Variants in LINGO2 observed in about 807,000 individuals in gnomAD.
The protein encoded by LINGO2 is leucine rich repeat and Ig domain containing 2.
A neutral mutation model predicts 30.6 loss-of-function variants in LINGO2; 14 were observed. The ratio of observed to expected loss-of-function variants is 0.46; its 90% CI spans 0.30 to 0.72. The LOEUF (loss-of-function observed/expected upper bound fraction) is 0.72. Among genes scored for constraint, LINGO2 ranks in the 30% least tolerant of loss-of-function variants. LINGO2 has a pLI of 0.07. For synonymous variants in LINGO2, 317 were observed against 288.5 expected, an observed-to-expected ratio of 1.10 and a Z score of -1.00; for missense variants, 729 against 751.7, an observed-to-expected ratio of 0.97 and a Z score of 0.35.
chr9:28,851,253 A>C, the LINGO2 span, among the ~76,000 whole-genome samples: 1 of 152,178 alleles, frequency 6.6e-6, no homozygotes, highest in East Asian at 1.9e-4. Flanking sequence ...AAGCTCTAGA[A>C]AGAAGATGAC....
At chr9:28,689,998 A>C in the LINGO2 span, among the ~76,000 whole-genome samples, 1 of 152,130 alleles carries the variant, frequency 6.6e-6, no homozygotes, top group Admixed American at 6.6e-5. Flanking sequence ...GCATGTTCTC[A>C]CTTATAAGTG....
chr9:28,942,387 T>C, the LINGO2 span, among the ~76,000 whole-genome samples: 3 of 152,104 alleles, frequency 2.0e-5, no homozygotes, highest in Non-Finnish European at 4.4e-5. Flanking sequence ...GGGTGCCAGG[T>C]GGGTGTACCA....
chr9:28,053,642 C>T (rs1219276779), intron 4 of LINGO2, among the ~76,000 whole-genome samples: 2 of 151,936 alleles, frequency 1.3e-5, no homozygotes, highest in African/African-American at 4.8e-5. Context: ...GCGCTGGTTG[C>T]AAATCAAGAT....
chr9:28,465,298 G>T (rs1053671957), intron 2 of LINGO2, among the ~76,000 whole-genome samples: 1 of 152,144 alleles, frequency 6.6e-6, no homozygotes, highest in Admixed American at 6.5e-5. Context: ...TGGAAAGCTG[G>T]CAAGGGGATA....
the LINGO2 span, among the ~76,000 whole-genome samples, chr9:29,038,793 C>A: frequency 1.1e-4 from 16 of 150,842 alleles, no homozygotes; most frequent in Admixed American, 6.6e-5. Flanking sequence ...AAAGTATAAA[C>A]AGAAAGTAGA....
At chr9:28,184,654 A>T (rs1819479173) in intron 4 of LINGO2, among the ~76,000 whole-genome samples, 1 of 152,134 alleles carries the variant, frequency 6.6e-6, no homozygotes, top group Non-Finnish European at 1.5e-5. Flanking sequence ...TCTGAGTCTG[A>T]TAGACTGAGA....
intron 4 of LINGO2, among the ~76,000 whole-genome samples, chr9:28,083,664 G>T (rs780432684): frequency 6.6e-6 from 1 of 152,094 alleles, no homozygotes; most frequent in South Asian, 2.1e-4. Flanking sequence ...AGAGTAAGTA[G>T]CTAATCAAAT....
At chr9:28,955,335 C>T in the LINGO2 span, among the ~76,000 whole-genome samples, 3 of 152,128 alleles carry the variant, frequency 2.0e-5, no homozygotes, top group Non-Finnish European at 4.4e-5. Flanking sequence ...TTTGCTTTGA[C>T]ATAGTTTTCA....
intron 4 of LINGO2, among the ~76,000 whole-genome samples, chr9:28,033,080 A>G (rs1375691897): frequency 1.3e-5 from 2 of 152,204 alleles, no homozygotes; most frequent in South Asian, 4.1e-4. Flanking sequence ...TGCAGCTAAT[A>G]CAAAGCCTGA....
At chr9:28,168,352 C>G (rs1238919985) in intron 4 of LINGO2, among the ~76,000 whole-genome samples, 1 of 152,130 alleles carries the variant, frequency 6.6e-6, no homozygotes, top group Non-Finnish European at 1.5e-5. Context: ...TAGGGCTCTG[C>G]ACATCTGGGG....
intron 1 of LINGO2, among the ~76,000 whole-genome samples, chr9:28,614,955 A>C (rs2135800105): frequency 6.6e-6 from 1 of 152,218 alleles, no homozygotes; most frequent in African/African-American, 2.4e-5. Flanking sequence ...CCAACCTTAC[A>C]GGCTTCTCAC....
intron 1 of LINGO2, among the ~76,000 whole-genome samples, chr9:28,669,150 C>G (rs1828918958): frequency 6.6e-6 from 1 of 152,048 alleles, no homozygotes; most frequent in Non-Finnish European, 1.5e-5. Context: ...AAGATCCCAT[C>G]CTAGACTAAT....
At chr9:28,159,616 A>G (rs2167642) in intron 4 of LINGO2, among the ~76,000 whole-genome samples, 150,864 of 152,130 alleles carry the variant, frequency 0.99, 74,820 homozygotes, top group Middle Eastern at 1. Context: ...AATTTTCTTG[A>G]ATTTCATACT....
chr9:28,916,319 C>A, the LINGO2 span, among the ~76,000 whole-genome samples: 1 of 152,116 alleles, frequency 6.6e-6, no homozygotes, highest in African/African-American at 2.4e-5. Context: ...GTAGAGAATT[C>A]TCTTCCTTTC....
the LINGO2 span, among the ~76,000 whole-genome samples, chr9:28,997,533 A>C: frequency 6.6e-6 from 1 of 152,074 alleles, no homozygotes; most frequent in Non-Finnish European, 1.5e-5. Flanking sequence ...CTAAATAATA[A>C]AAATAGTTGG....
At chr9:28,522,564 C>A (rs758632031) in intron 1 of LINGO2, among the ~76,000 whole-genome samples, 1 of 152,088 alleles carries the variant, frequency 6.6e-6, no homozygotes, top group African/African-American at 2.4e-5. Context: ...TTCTAAGGAA[C>A]TTTCTTCTAA....
At chr9:28,503,620 T>G (rs187535449) in intron 1 of LINGO2, among the ~76,000 whole-genome samples, 3 of 152,112 alleles carry the variant, frequency 2.0e-5, no homozygotes, top group Admixed American at 2.0e-4. Context: ...AGAGTAAAAC[T>G]TAAATGCCAT....
At chr9:28,302,852 C>G (rs1021117041) in intron 3 of LINGO2, among the ~76,000 whole-genome samples, 3 of 152,028 alleles carry the variant, frequency 2.0e-5, no homozygotes, top group African/African-American at 7.2e-5. Context: ...CATAAAAAAC[C>G]TGGGAGACAG....
At chr9:28,466,346 A>C (rs1825302770) in intron 2 of LINGO2, among the ~76,000 whole-genome samples, 1 of 152,222 alleles carries the variant, frequency 6.6e-6, no homozygotes, top group Non-Finnish European at 1.5e-5. Flanking sequence ...TCATTATGCT[A>C]AATGAAATAA....
Sources: gnomAD v4.1 joint callset for allele counts (sites outside exome capture counted in the v4.1 genomes callset) on GRCh38, gnomAD v4.1.1 for gene constraint, MANE v1.5 for transcripts, NCBI Gene and HGNC (gene_info 2026-07-23, HGNC 2026-07-21) for gene names.